CSRNP3: variants seen among roughly 807,000 people sequenced by gnomAD.
CSRNP3 encodes the protein cysteine/serine-rich nuclear protein 3.
CSRNP3 carries 12 observed loss-of-function variants against 48.0 expected under a neutral mutation model. The observed-to-expected ratio is 0.25, with a 90% confidence interval of 0.16 to 0.41. The LOEUF (loss-of-function observed/expected upper bound fraction) is 0.41. Ranked by LOEUF, CSRNP3 falls within the 10% of genes least tolerant of loss-of-function variation. The pLI is 1.00. For missense variants in CSRNP3, 580 were observed against 724.4 expected (o/e 0.80, Z 2.29); for synonymous variants, 263 against 269.7 (o/e 0.98, Z 0.24).
intron 1 of CSRNP3, among the ~76,000 whole-genome samples, chr2:165,492,924 T>A (rs1684237555): frequency 8.0e-6 from 1 of 124,850 alleles, no homozygotes. Context: ...AGGATGATAC[T>A]CAAATTCCCT....
chr2:165,558,341 T>C (rs1171259661), intron 3 of CSRNP3, among the ~76,000 whole-genome samples: 1 of 152,208 alleles, frequency 6.6e-6, no homozygotes, highest in Non-Finnish European at 1.5e-5. Context: ...AATTTAAATG[T>C]ATAATTGCTG....
intron 4 of CSRNP3, among the ~76,000 whole-genome samples, chr2:165,600,948 T>C (rs912301087): frequency 1.2e-4 from 19 of 152,250 alleles, no homozygotes; most frequent in Admixed American, 3.9e-4. Flanking sequence ...GAAAATTCCA[T>C]GCTATTGTAA....
chr2:165,643,996 CAT>C (rs1686771204), intron 4 of CSRNP3, among the ~76,000 whole-genome samples: 1 of 152,144 alleles, frequency 6.6e-6, no homozygotes, highest in South Asian at 2.1e-4. Context: ...GAAATTCAGT[CAT>C]GTGTTTTTGC....
At chr2:165,525,111 T>A (rs1264297349) in intron 3 of CSRNP3, among the ~76,000 whole-genome samples, 1 of 152,232 alleles carries the variant, frequency 6.6e-6, no homozygotes, top group Non-Finnish European at 1.5e-5. Flanking sequence ...TTTATTTTAC[T>A]TATTTTAACC....
At chr2:165,671,913 A>C (rs1375570080) in intron 5 of CSRNP3, among the ~76,000 whole-genome samples, 1 of 152,176 alleles carries the variant, frequency 6.6e-6, no homozygotes, top group African/African-American at 2.4e-5. Flanking sequence ...GAGCGGGGAA[A>C]AAATCCACCA....
intron 3 of CSRNP3, among the ~76,000 whole-genome samples, chr2:165,583,755 G>A (rs893499179): frequency 1.3e-5 from 2 of 152,176 alleles, no homozygotes; most frequent in African/African-American, 4.8e-5. Flanking sequence ...ATAAGAAGAA[G>A]TATGTCATAA....
rs1378717745 is a variant in CSRNP3, at chr2:165,542,360, G to A, written c.-24+24399G>A. ...GCTTAGGAATCACTTAAAACTCACT[G>A]TTTAGTGCATACCTTGTCAGCATTG... On this transcript the variant is annotated intron_variant, in intron 3 of 6. Coordinates refer to ENST00000651982, the MANE Select transcript of CSRNP3 (RefSeq NM_001172173.2). Among the ~76,000 whole-genome samples, 7 of 152,246 alleles carry A rather than the reference G, an allele frequency of 4.6e-5. No homozygotes were observed. The South Asian group carries it at 8.3e-4, about 18-fold the overall frequency.
chr2:165,638,367 A>G (rs1277955252), intron 4 of CSRNP3, among the ~76,000 whole-genome samples: 1 of 152,188 alleles, frequency 6.6e-6, no homozygotes, highest in East Asian at 1.9e-4. Context: ...AGGCTGAGGC[A>G]GGAGAATTGC....
chr2:165,664,071 G>T (rs1401756142), intron 5 of CSRNP3, among the ~76,000 whole-genome samples: 1 of 152,138 alleles, frequency 6.6e-6, no homozygotes, highest in African/African-American at 2.4e-5. Flanking sequence ...TCAGGTTGTT[G>T]AAATTCTCAT....
At chr2:165,645,450 G>A (rs1260849184) in intron 4 of CSRNP3, among the ~76,000 whole-genome samples, 1 of 152,124 alleles carries the variant, frequency 6.6e-6, no homozygotes, top group Non-Finnish European at 1.5e-5. Flanking sequence ...ATCACCTTGG[G>A]GGTTAGAATT....
chr2:165,570,500 T>G (rs1273108831), intron 3 of CSRNP3, among the ~76,000 whole-genome samples: 1 of 151,890 alleles, frequency 6.6e-6, no homozygotes, highest in Non-Finnish European at 1.5e-5. Flanking sequence ...TCTCCCACTC[T>G]CACTTTCTAA....
chr2:165,571,295 A>G (rs1294454531), intron 3 of CSRNP3, among the ~76,000 whole-genome samples: 1 of 151,938 alleles, frequency 6.6e-6, no homozygotes, highest in African/African-American at 2.4e-5. Flanking sequence ...TTTCACTGAG[A>G]CTTAAAAGTA....
At chr2:165,592,272 T>C (rs1399458888) in intron 3 of CSRNP3, among the ~76,000 whole-genome samples, 2 of 152,262 alleles carry the variant, frequency 1.3e-5, no homozygotes, top group African/African-American at 4.8e-5. Context: ...TTTTGGACAA[T>C]TTCTCCCATT....
chr2:165,672,634 G>A (rs115430375), intron 5 of CSRNP3, among the ~76,000 whole-genome samples: 3,621 of 152,284 alleles, frequency 0.024, 140 homozygotes, highest in African/African-American at 0.083. Flanking sequence ...GAGGAAAGGA[G>A]TCAGCAAGAG....
intron 5 of CSRNP3, among the ~76,000 whole-genome samples, chr2:165,661,877 C>A (rs1005454065): frequency 1.1e-4 from 16 of 152,094 alleles, no homozygotes; most frequent in Non-Finnish European, 1.9e-4. Context: ...ATGGGAAACT[C>A]ACCGAACTCA....
chr2:165,677,123 T>TGAAAAGA (rs1687439354), intron 6 of CSRNP3, among the ~76,000 whole-genome samples: 3 of 152,240 alleles, frequency 2.0e-5, no homozygotes, highest in African/African-American at 7.2e-5. Context: ...CTGGGTTACT[T>TGAAAAGA]TCTTTATCTC....
chr2:165,489,313 C>G (rs1177611498), intron 1 of CSRNP3, among the ~76,000 whole-genome samples: 1,555 of 145,010 alleles, frequency 0.011, 21 homozygotes, highest in African/African-American at 0.037. Context: ...CAATAGTTTA[C>G]CAACCAAAAA....
chr2:165,555,958 T>G (rs1685155878), intron 3 of CSRNP3, among the ~76,000 whole-genome samples: 1 of 152,148 alleles, frequency 6.6e-6, no homozygotes, highest in Admixed American at 6.5e-5. Context: ...GCCCAGTATC[T>G]TCACAGTGTG....
chr2:165,539,455 A>G (rs143816981), intron 3 of CSRNP3, among the ~76,000 whole-genome samples: 1 of 152,064 alleles, frequency 6.6e-6, no homozygotes, highest in Non-Finnish European at 1.5e-5. Flanking sequence ...GTTTTCCAAT[A>G]TTTGATTATT....
Sources: allele counts gnomAD v4.1 joint callset (sites outside exome capture counted in the v4.1 genomes callset), GRCh38; gene constraint gnomAD v4.1.1; transcripts MANE v1.5; gene names NCBI Gene and HGNC (gene_info 2026-07-23, HGNC 2026-07-21).